Variants in PPM1E observed in about 807,000 individuals in gnomAD.
PPM1E encodes protein phosphatase 1E.
PPM1E carries 20 observed loss-of-function variants against 65.9 expected under a neutral mutation model. That is an observed-to-expected ratio of 0.30 (90% CI 0.21 to 0.44). The LOEUF (loss-of-function observed/expected upper bound fraction) is 0.44. Ranked by LOEUF, PPM1E falls within the 20% of genes least tolerant of loss-of-function variation. PPM1E has a pLI of 1.00. For missense variants in PPM1E, 713 were observed against 953.1 expected, an observed-to-expected ratio of 0.75 and a Z score of 3.32; for synonymous variants, 352 against 374.9, an observed-to-expected ratio of 0.94 and a Z score of 0.70.
intron 4 of PPM1E, among the ~76,000 whole-genome samples, chr17:58,971,002 C>A (rs2030574989): frequency 6.6e-6 from 1 of 151,914 alleles, no homozygotes; most frequent in African/African-American, 2.4e-5. Context: ...ACCATGTTTA[C>A]CTCATTTGTT....
intron 1 of PPM1E, among the ~76,000 whole-genome samples, chr17:58,914,384 G>T (rs573307204): frequency 3.3e-5 from 5 of 152,112 alleles, no homozygotes; most frequent in African/African-American, 1.2e-4. Flanking sequence ...TTATTCTTTT[G>T]CAGTCTGTGA....
intron 1 of PPM1E, among the ~76,000 whole-genome samples, chr17:58,799,286 CT>C (rs879320587): frequency 1.2e-3 from 171 of 145,904 alleles, no homozygotes; most frequent in Middle Eastern, 3.6e-3. Flanking sequence ...CACATTAAGT[CT>C]TTTTTTTTTT....
chr17:58,801,124 A>C (rs967643273), intron 1 of PPM1E, among the ~76,000 whole-genome samples: 8 of 152,140 alleles, frequency 5.3e-5, no homozygotes, highest in Admixed American at 5.2e-4. Flanking sequence ...TTGGAAAGAA[A>C]GTGTATTCTG....
chr17:58,962,047 G>C (rs1488844516), intron 2 of PPM1E, among the ~76,000 whole-genome samples: 2 of 152,136 alleles, frequency 1.3e-5, no homozygotes, highest in African/African-American at 4.8e-5. Context: ...CACTTTGGGA[G>C]GCCAAGGCGA....
Position 58,955,778 on chromosome 17 carries a change from T to G in PPM1E, c.583+11T>G. On this transcript the variant is annotated intron_variant, in intron 2 of 6. Coordinates refer to ENST00000308249, the MANE Select transcript of PPM1E (RefSeq NM_014906.5). ...CAGAAGGGACTGTGGGTGAGTACCT[T>G]TCTACATTATTTGTTTAAAAATACT... The G allele has an allele frequency of 6.4e-7, 1 of 1,569,964 alleles. No individual in the cohort carries two copies. Among genetic ancestry groups the G allele is most frequent in the South Asian group, 1.2e-5 (1 of 82,658 alleles).
chr17:58,815,992 A>C (rs1019595689), intron 1 of PPM1E, among the ~76,000 whole-genome samples: 2 of 152,144 alleles, frequency 1.3e-5, no homozygotes, highest in Admixed American at 1.3e-4. Context: ...AAAAAATTTT[A>C]ATCATAATGC....
chr17:58,889,371 C>T (rs914179277), intron 1 of PPM1E, among the ~76,000 whole-genome samples: 71 of 152,200 alleles, frequency 4.7e-4, no homozygotes, highest in African/African-American at 1.5e-3. Context: ...GAGGCTGAGG[C>T]AGGCGAATCA....
chr17:58,857,994 A>G (rs2143290345), intron 1 of PPM1E, among the ~76,000 whole-genome samples: 1 of 152,232 alleles, frequency 6.6e-6, no homozygotes, highest in East Asian at 1.9e-4. Context: ...GCATATAAAC[A>G]ATGTCACCCA....
intron 1 of PPM1E, among the ~76,000 whole-genome samples, chr17:58,868,361 A>G (rs1300212340): frequency 1.3e-5 from 2 of 152,208 alleles, no homozygotes; most frequent in African/African-American, 4.8e-5. Flanking sequence ...CTCGCTAACA[A>G]TATTTTTCAA....
At chr17:58,877,724 T>C (rs184565215) in intron 1 of PPM1E, among the ~76,000 whole-genome samples, 4 of 152,320 alleles carry the variant, frequency 2.6e-5, no homozygotes, top group Admixed American at 2.6e-4. Context: ...GAAACTTGTA[T>C]GGAAATTCTA....
At chr17:58,923,071 A>G (rs1052844146) in intron 1 of PPM1E, among the ~76,000 whole-genome samples, 2 of 151,036 alleles carry the variant, frequency 1.3e-5, no homozygotes, top group African/African-American at 4.9e-5. Flanking sequence ...GGATCACTTG[A>G]GGCCTGGAGT....
intron 1 of PPM1E, among the ~76,000 whole-genome samples, chr17:58,880,520 G>A (rs1324258891): frequency 6.6e-6 from 1 of 152,188 alleles, no homozygotes. Context: ...TCCTGAACAT[G>A]TATGTAATCT....
chr17:58,807,063 A>C (rs775211748), intron 1 of PPM1E, among the ~76,000 whole-genome samples: 5 of 152,074 alleles, frequency 3.3e-5, no homozygotes, highest in Non-Finnish European at 7.4e-5. Context: ...ATTTTAGTAG[A>C]GGTCTTCAAA....
At chr17:58,823,544 A>G (rs764219115) in intron 1 of PPM1E, among the ~76,000 whole-genome samples, 8 of 152,218 alleles carry the variant, frequency 5.3e-5, no homozygotes, top group Non-Finnish European at 8.8e-5. Context: ...GCTGGCTGCT[A>G]TCTGAATCAC....
At chr17:58,938,787 C>CTTTTTTTTT (rs565049669) in intron 1 of PPM1E, among the ~76,000 whole-genome samples, 2 of 125,170 alleles carry the variant, frequency 1.6e-5, no homozygotes, top group African/African-American at 3.0e-5. Flanking sequence ...TACACTAATT[C>CTTTTTTTTT]TTTTTTTTTT....
chr17:58,874,637 A>G lies in PPM1E; in HGVS notation c.465-81012A>G, dbSNP rs538374466. Reference sequence around the variant, plus strand: ...TATATCAGTTACAATAATAATATGTACTTATGGGGTCTTTTGAGAAATTAT... The same window carrying G: ...TATATCAGTTACAATAATAATATGTGCTTATGGGGTCTTTTGAGAAATTAT... On this transcript the variant is annotated intron_variant, in intron 1 of 6. Transcript: ENST00000308249. Among the ~76,000 whole-genome samples, 9 of 152,270 alleles carry G rather than the reference A, an allele frequency of 5.9e-5. No homozygotes were observed. In the South Asian group the frequency reaches 1.9e-3, roughly 32 times the overall value.
chr17:58,787,820 T>C (rs963708780), intron 1 of PPM1E, among the ~76,000 whole-genome samples: 6 of 147,928 alleles, frequency 4.1e-5, no homozygotes, highest in African/African-American at 1.2e-4. Context: ...GGCAGGAGAA[T>C]GGTGTGAACC....
chr17:58,937,754 C>A (rs1422572408), intron 1 of PPM1E, among the ~76,000 whole-genome samples: 1 of 149,542 alleles, frequency 6.7e-6, no homozygotes, highest in African/African-American at 2.4e-5. Flanking sequence ...GTGGCAGGCA[C>A]CTCTAATCCC....
At chr17:58,788,377 G>A (rs1362951179) in intron 1 of PPM1E, among the ~76,000 whole-genome samples, 1 of 152,166 alleles carries the variant, frequency 6.6e-6, no homozygotes, top group Non-Finnish European at 1.5e-5. Flanking sequence ...AGTGTATACA[G>A]ATTAACAAGG....
Sources: gnomAD v4.1 joint callset for allele counts (sites outside exome capture counted in the v4.1 genomes callset) on GRCh38, gnomAD v4.1.1 for gene constraint, MANE v1.5 for transcripts, NCBI Gene and HGNC (gene_info 2026-07-23, HGNC 2026-07-21) for gene names.